The following C4orf51 variants were observed in gnomAD, a reference collection of about 807,000 sequenced individuals.
C4orf51 encodes the protein uncharacterized protein C4orf51.
C4orf51 carries 25 observed loss-of-function variants against 25.2 expected under a neutral mutation model. The ratio of observed to expected loss-of-function variants is 0.99; its 90% CI spans 0.72 to 1.39. C4orf51 has a LOEUF of 1.39. Among genes scored for constraint, C4orf51 ranks in the 40% most tolerant of loss-of-function variants. The pLI is 0.00. For synonymous variants in C4orf51, 100 were observed against 84.5 expected, an observed-to-expected ratio of 1.18 and a Z score of -1.01; for missense variants, 252 against 239.6, an observed-to-expected ratio of 1.05 and a Z score of -0.34.
intron 2 of C4orf51, among the ~76,000 whole-genome samples, chr4:145,724,434 A>C (rs1442328108): frequency 6.6e-6 from 1 of 152,184 alleles, no homozygotes; most frequent in African/African-American, 2.4e-5. Context: ...ATAAAATAGC[A>C]CACAAAGCAA....
chr4:145,784,708 G>A, the C4orf51 span, among the ~76,000 whole-genome samples: 1 of 152,146 alleles, frequency 6.6e-6, no homozygotes, highest in African/African-American at 2.4e-5. Context: ...AAACAGCTTG[G>A]AATATGGGTA....
the C4orf51 span, among the ~76,000 whole-genome samples, chr4:145,776,499 G>C: frequency 6.6e-6 from 1 of 150,790 alleles, no homozygotes; most frequent in African/African-American, 2.4e-5. Flanking sequence ...AGGGCAACTA[G>C]AATAGATAAC....
At chr4:145,783,905 T>C in the C4orf51 span, among the ~76,000 whole-genome samples, 721 of 152,292 alleles carry the variant, frequency 4.7e-3, 5 homozygotes, top group African/African-American at 0.016. Flanking sequence ...AGGTGGGGCC[T>C]TGTGGGAGGT....
chr4:145,728,906 G>GCTTTTT (rs1188230286), intron 3 of C4orf51, among the ~76,000 whole-genome samples: 1 of 151,686 alleles, frequency 6.6e-6, no homozygotes, highest in Non-Finnish European at 1.5e-5. Flanking sequence ...TACAGTGGTG[G>GCTTTTT]CTTTTTCTTT....
intron 2 of C4orf51, among the ~76,000 whole-genome samples, chr4:145,708,454 G>A (rs1051469556): frequency 3.9e-5 from 6 of 152,282 alleles, no homozygotes; most frequent in African/African-American, 1.2e-4. Flanking sequence ...GAGGACAGAG[G>A]AGAAAAAAGT....
At chr4:145,735,767 A>G (rs557327667), downstream of C4orf51, among the ~76,000 whole-genome samples, 1 of 152,272 alleles carries the variant, frequency 6.6e-6, no homozygotes, top group East Asian at 1.9e-4. Flanking sequence ...TGACTATTCC[A>G]TAATTGCAGG....
intron 2 of C4orf51, among the ~76,000 whole-genome samples, chr4:145,709,371 A>G (rs182408049): frequency 1.3e-5 from 2 of 152,374 alleles, no homozygotes; most frequent in East Asian, 3.9e-4. Context: ...TGGCAGAGCC[A>G]GGGTTCCAAT....
intron 1 of C4orf51, among the ~76,000 whole-genome samples, chr4:145,768,858 CA>C (rs1174930111): frequency 2.2e-4 from 1 of 4,532 alleles, no homozygotes; most frequent in Non-Finnish European, 4.6e-4. Context: ...GACTCCGTCT[CA>C]AAAAAAAAAA....
At chr4:145,712,341 A>G (rs1489405149) in intron 2 of C4orf51, among the ~76,000 whole-genome samples, 1 of 152,242 alleles carries the variant, frequency 6.6e-6, no homozygotes, top group Non-Finnish European at 1.5e-5. Context: ...TGCACCAAAC[A>G]TTTAGCCAAG....
chr4:145,697,162 C>T (rs1730122387), intron 2 of C4orf51, among the ~76,000 whole-genome samples: 1 of 149,218 alleles, frequency 6.7e-6, no homozygotes, highest in Non-Finnish European at 1.5e-5. Flanking sequence ...TGCAGTGGTG[C>T]GATCTTGGCT....
chr4:145,730,564 G>T (rs191874418), intron 5 of C4orf51, among the ~76,000 whole-genome samples: 48 of 152,030 alleles, frequency 3.2e-4, no homozygotes, highest in African/African-American at 9.9e-4. Flanking sequence ...ATAAAAACTG[G>T]TTTTTGCATA....
chr4:145,766,146 A>C (rs1735262032), intron 1 of C4orf51, among the ~76,000 whole-genome samples: 1 of 152,166 alleles, frequency 6.6e-6, no homozygotes, highest in Non-Finnish European at 1.5e-5. Context: ...AGAAAGGTTA[A>C]TCTGGCCTAG....
At chr4:145,776,919 G>A in the C4orf51 span, among the ~76,000 whole-genome samples, 29 of 152,186 alleles carry the variant, frequency 1.9e-4, no homozygotes, top group Admixed American at 1.5e-3. Context: ...TTCTGAATTC[G>A]TTTGATTAAT....
chr4:145,713,661 C>A (rs1217725918), intron 2 of C4orf51, among the ~76,000 whole-genome samples: 2 of 152,188 alleles, frequency 1.3e-5, no homozygotes, highest in Non-Finnish European at 2.9e-5. Context: ...GTTTTAATGA[C>A]AACAAAGCAT....
the C4orf51 span, among the ~76,000 whole-genome samples, chr4:145,785,310 C>T: frequency 6.6e-6 from 1 of 152,168 alleles, no homozygotes; most frequent in African/African-American, 2.4e-5. Context: ...GGGGACATGT[C>T]TCATTTCATG....
chr4:145,731,454 A>G (rs923193284), intron 5 of C4orf51, among the ~76,000 whole-genome samples: 5 of 151,804 alleles, frequency 3.3e-5, no homozygotes, highest in African/African-American at 1.2e-4. Context: ...ATGCAGGTGC[A>G]CACACACACA....
At position 145,745,097 on chromosome 4, in the gene C4orf51, A is replaced by C. The variant is rs189305122; in HGVS notation, n.168-9110A>C. Among the ~76,000 whole-genome samples the C allele has an allele frequency of 2.9e-3, 442 of 152,358 alleles. 6 individuals are homozygous for C. The Middle Eastern group carries it at 0.037, about 13-fold the overall frequency. On this transcript the variant is annotated intron_variant and non_coding_transcript_variant, in intron 1 of 1. Transcript: ENST00000508981. ...TTTAAACAATTATTTTAATGGGTAC[A>C]TAGTAGGTATATATACTTATGGGGT...
At chr4:145,724,173 G>A (rs1028947252) in intron 2 of C4orf51, among the ~76,000 whole-genome samples, 6 of 152,100 alleles carry the variant, frequency 3.9e-5, no homozygotes, top group Non-Finnish European at 7.4e-5. Flanking sequence ...TTCTTGAAAG[G>A]AAGGGTAGCA....
chr4:145,714,747 C>G (rs1731312220), intron 2 of C4orf51, among the ~76,000 whole-genome samples: 2 of 152,318 alleles, frequency 1.3e-5, no homozygotes, highest in South Asian at 4.1e-4. Flanking sequence ...GAGTTACTGG[C>G]TTTGCCTTTG....
Sources: gnomAD v4.1 joint callset for allele counts (sites outside exome capture counted in the v4.1 genomes callset) on GRCh38, gnomAD v4.1.1 for gene constraint, MANE v1.5 for transcripts, NCBI Gene and HGNC (gene_info 2026-07-23, HGNC 2026-07-21) for gene names.